Variants in PCCB observed in about 807,000 individuals in gnomAD.
PCCB encodes the protein propionyl-CoA carboxylase beta chain, mitochondrial.
Under a neutral mutation model 60.7 loss-of-function variants are expected in PCCB, and 43 were observed. The ratio of observed to expected loss-of-function variants is 0.71; its 90% confidence interval spans 0.55 to 0.91. PCCB has a LOEUF of 0.91. PCCB is among the 40% of genes least tolerant of loss of function. The pLI is 0.00. For synonymous variants in PCCB, 276 were observed against 255.9 expected, an observed-to-expected ratio of 1.08 and a Z score of -0.75; for missense variants, 766 against 702.8, an observed-to-expected ratio of 1.09 and a Z score of -1.02.
intron 9 of PCCB, among the ~76,000 whole-genome samples, chr3:136,313,258 A>G (rs960808126): frequency 2.0e-5 from 3 of 152,228 alleles, no homozygotes; most frequent in Admixed American, 1.3e-4. Flanking sequence ...TAGATGTACG[A>G]GGTTACGACC....
intron 14 of PCCB, 92 bp downstream of exon 14, chr3:136,328,949 C>T (rs1184259478): frequency 7.9e-6 from 8 of 1,007,326 alleles, no homozygotes; most frequent in African/African-American, 1.6e-5. Context: ...TGCCTTTTTG[C>T]CTTTGCAGTC....
In PCCB at chr3:136,302,354, G is replaced by T. The variant is rs532141938; in HGVS notation, c.966+1243G>T. On this transcript the variant is annotated intron_variant, in intron 9 of 14. Transcript: ENST00000251654. ...CGCCAGAGTCAAAATAGTTCCATCAGACAGATTCTGCCAGGCAATTGTTGC... is the reference window on the plus strand; with the variant it reads ...CGCCAGAGTCAAAATAGTTCCATCATACAGATTCTGCCAGGCAATTGTTGC... Among the ~76,000 whole-genome samples, 2 of 121,410 alleles carry T rather than the reference G, an allele frequency of 1.6e-5. 1 individual carries two copies. Among genetic ancestry groups the T allele is most frequent in the East Asian group, 1.2e-3 (2 of 1,620 alleles). 79.6% of individuals were successfully genotyped at this position (121,410 alleles called of 152,430 possible).
chr3:136,282,700 A>G (rs1434113729), intron 5 of PCCB, among the ~76,000 whole-genome samples: 1 of 152,186 alleles, frequency 6.6e-6, no homozygotes. Flanking sequence ...ATACTTATGC[A>G]GTGTTTATAA....
At chr3:136,275,273 A>G (rs921287832) in intron 5 of PCCB, among the ~76,000 whole-genome samples, 7 of 151,712 alleles carry the variant, frequency 4.6e-5, no homozygotes, top group African/African-American at 1.7e-4. Flanking sequence ...ATTTCCGGAA[A>G]TTCTGATTGT....
chr3:136,258,265 G>A (rs1941729267), intron 3 of PCCB, among the ~76,000 whole-genome samples: 1 of 152,192 alleles, frequency 6.6e-6, no homozygotes, highest in Non-Finnish European at 1.5e-5. Context: ...TGAGGAGAAG[G>A]TGGAGATGAC....
At chr3:136,254,642 C>G (rs1011384144) in intron 1 of PCCB, among the ~76,000 whole-genome samples, 16 of 146,936 alleles carry the variant, frequency 1.1e-4, no homozygotes, top group African/African-American at 4.0e-4. Flanking sequence ...AAGTGATTCT[C>G]CTGCCTCAGC....
chr3:136,328,676 C>T, intron 13 of PCCB, 82 bp from the exon 14 acceptor site: 2 of 1,135,428 alleles, frequency 1.8e-6, no homozygotes, highest in Admixed American at 1.7e-5. Flanking sequence ...GAAATTTGCA[C>T]CCACACACAG....
At chr3:136,258,615 G>T (rs1289614007) in intron 3 of PCCB, among the ~76,000 whole-genome samples, 1 of 152,020 alleles carries the variant, frequency 6.6e-6, no homozygotes, top group Non-Finnish European at 1.5e-5. Flanking sequence ...GTATTCTGAG[G>T]GGGAGAGAAA....
At chr3:136,267,844 T>C (rs1026225240) in intron 5 of PCCB, among the ~76,000 whole-genome samples, 2 of 151,888 alleles carry the variant, frequency 1.3e-5, no homozygotes, top group Admixed American at 1.3e-4. Context: ...TATCAAGTTT[T>C]CTTTTGTGGG....
intron 1 of PCCB, 78 bp downstream of exon 1, chr3:136,250,636 G>C (rs1941489238): frequency 7.0e-7 from 1 of 1,422,086 alleles, no homozygotes; most frequent in Non-Finnish European, 9.5e-7. Flanking sequence ...TGCGGCGTCC[G>C]AGGCCTCCCT....
chr3:136,324,597 G>GT (rs940782331), intron 10 of PCCB, among the ~76,000 whole-genome samples: 44 of 148,492 alleles, frequency 3.0e-4, no homozygotes, highest in East Asian at 3.9e-4. Context: ...GACACTCTCT[G>GT]TTTTTTTTTT....
chr3:136,279,454 G>C (rs1438837900), intron 5 of PCCB, among the ~76,000 whole-genome samples: 3 of 151,946 alleles, frequency 2.0e-5, no homozygotes, highest in Non-Finnish European at 4.4e-5. Flanking sequence ...TTTAAAGTTT[G>C]TTTTCTTAGT....
At chr3:136,270,697 G>T (rs576228320) in intron 5 of PCCB, among the ~76,000 whole-genome samples, 80 of 152,232 alleles carry the variant, frequency 5.3e-4, no homozygotes, top group African/African-American at 1.8e-3. Flanking sequence ...GTAGAGACAG[G>T]GTTTCACCAT....
At position 136,277,571 on chromosome 3, in the gene PCCB, T is replaced by G. The variant is rs532629537; in HGVS notation, c.544-6266T>G. Among the ~76,000 whole-genome samples, 9 of 152,052 alleles carry G rather than the reference T, an allele frequency of 5.9e-5. No homozygotes were observed. In the East Asian group the frequency reaches 1.7e-3, roughly 29 times the overall value. ...GTCAGGTGGGTCTACACTCTGTCTC[T>G]CCATGTGTGGGGAAAGCCGTGGCTC... On this transcript the variant is annotated intron_variant, in intron 5 of 14. Transcript: ENST00000251654.
At position 136,322,910 on chromosome 3, in the gene PCCB, A is replaced by G. The variant is rs559989603; in HGVS notation, c.1091-3893A>G. The stretch of plus-strand genomic sequence containing the variant: ...GACACTTTTATTCTTTTAGCATTTT[A>G]AATATGTTATCCTGCTGTCTCTGGC... On this transcript the variant is annotated intron_variant, in intron 10 of 14. Transcript: ENST00000251654. Among the ~76,000 whole-genome samples the G allele has an allele frequency of 2.6e-5, 4 of 151,994 alleles. No individual in the cohort carries two copies. The East Asian group carries it at 7.7e-4, about 29-fold the overall frequency.
chr3:136,265,194 A>C (rs1211257409), intron 5 of PCCB, among the ~76,000 whole-genome samples: 1 of 152,248 alleles, frequency 6.6e-6, no homozygotes, highest in East Asian at 1.9e-4. Context: ...CTCCATCTCA[A>C]AAAAGAAAAG....
At chr3:136,324,287 C>G (rs1047256487) in intron 10 of PCCB, among the ~76,000 whole-genome samples, 15 of 152,010 alleles carry the variant, frequency 9.9e-5, no homozygotes, top group African/African-American at 3.4e-4. Flanking sequence ...TTCTTGAACA[C>G]CAGGAACTAA....
intron 5 of PCCB, among the ~76,000 whole-genome samples, chr3:136,268,096 A>ATATG (rs201311495): frequency 0.12 from 12,394 of 106,262 alleles, 1,099 homozygotes; most frequent in Admixed American, 0.16. Context: ...AGATATATAT[A>ATATG]TATATATATA....
chr3:136,269,571 T>C (rs1334180802), intron 5 of PCCB, among the ~76,000 whole-genome samples: 3 of 152,072 alleles, frequency 2.0e-5, no homozygotes, highest in Non-Finnish European at 4.4e-5. Flanking sequence ...TGTAGTACAG[T>C]GTTAAGTAGA....
Sources: gnomAD v4.1 joint callset for allele counts (sites outside exome capture counted in the v4.1 genomes callset) on GRCh38, gnomAD v4.1.1 for gene constraint, MANE v1.5 for transcripts, NCBI Gene and HGNC (gene_info 2026-07-23, HGNC 2026-07-21) for gene names.